The following VPS8 variants were observed in gnomAD, a reference collection of about 807,000 sequenced individuals.
VPS8 encodes the protein vacuolar protein sorting-associated protein 8 homolog.
VPS8 carries 129 observed loss-of-function variants against 216.4 expected under a neutral mutation model. That is an observed-to-expected ratio of 0.60 (90% CI 0.52 to 0.69). The LOEUF is 0.69. Among genes scored for constraint, VPS8 ranks in the 30% least tolerant of loss-of-function variants. The pLI is 0.00. For missense variants in VPS8, 1,531 were observed against 1,683.5 expected, an observed-to-expected ratio of 0.91 and a Z score of 1.59; for synonymous variants, 571 against 565.4, an observed-to-expected ratio of 1.01 and a Z score of -0.14.
chr3:184,856,549 A>G (rs533297773), intron 14 of VPS8, among the ~76,000 whole-genome samples: 1 of 152,346 alleles, frequency 6.6e-6, no homozygotes, highest in Non-Finnish European at 1.5e-5. Context: ...CTCCAGCCAG[A>G]AACTTACGAG....
chr3:184,889,112 T>A (rs1170550885), intron 22 of VPS8, among the ~76,000 whole-genome samples: 1 of 152,212 alleles, frequency 6.6e-6, no homozygotes, highest in Non-Finnish European at 1.5e-5. Context: ...ATTTCACCTA[T>A]TGACTGTCTG....
intron 45 of VPS8, among the ~76,000 whole-genome samples, chr3:185,001,697 G>A (rs1473654100): frequency 6.6e-6 from 1 of 152,126 alleles, no homozygotes; most frequent in African/African-American, 2.4e-5. Flanking sequence ...GTTGGGAGAT[G>A]GGGCTGAAAG....
intron 9 of VPS8, 40 bp from the exon 10 acceptor site, chr3:184,849,896 A>T: frequency 6.7e-7 from 1 of 1,502,976 alleles, no homozygotes. Flanking sequence ...CCAAAAAAAG[A>T]GCAATAAATT....
intron 37 of VPS8, among the ~76,000 whole-genome samples, chr3:184,959,005 A>G (rs1280013421): frequency 6.6e-6 from 1 of 152,208 alleles, no homozygotes; most frequent in East Asian, 1.9e-4. Context: ...TGAAACTTAC[A>G]AGAAATCTCA....
At chr3:184,863,118 G>T in intron 16 of VPS8, 51 bp downstream of exon 16, 1 of 1,588,926 alleles carries the variant, frequency 6.3e-7, no homozygotes, top group South Asian at 1.1e-5. Context: ...TGATAAACTT[G>T]GTATTTTGTT....
chr3:184,887,555 A>G (rs1046205385), intron 22 of VPS8, among the ~76,000 whole-genome samples: 17 of 152,228 alleles, frequency 1.1e-4, no homozygotes, highest in African/African-American at 4.1e-4. Context: ...TGCCAAAGCC[A>G]GAAAGTGATT....
In VPS8 at chr3:185,041,350, A is replaced by C. The variant is rs373721790; in HGVS notation, c.4057-7129A>C. ...CTTGTTAATATGACACTTCAGCTTG[A>C]GTAGTTGTCTGTTCCCACTCAGATT... On this transcript the variant is annotated intron_variant, in intron 46 of 47. Coordinates refer to ENST00000625842, the MANE Select transcript of VPS8 (RefSeq NM_001009921.3). 1.3e-4 allele frequency among the ~76,000 whole-genome samples: 19 copies of C among 151,916 alleles called. No homozygotes were observed. In the Middle Eastern group the frequency reaches 0.01, roughly 82 times the overall value.
At chr3:184,830,684 T>G (rs1719803038) in intron 3 of VPS8, among the ~76,000 whole-genome samples, 2 of 152,230 alleles carry the variant, frequency 1.3e-5, no homozygotes. Flanking sequence ...CCCAGGCTTT[T>G]TAAGAAAATC....
intron 22 of VPS8, among the ~76,000 whole-genome samples, chr3:184,886,518 CATACACATATACACACACACATATGT>C (rs1731282022): frequency 6.9e-6 from 1 of 144,546 alleles, no homozygotes; most frequent in Non-Finnish European, 1.5e-5. Context: ...TACACACACA[CATACACATATACACACACACATATGT>C]ATACACACAC....
In VPS8 at chr3:184,924,832, A is replaced by G. The variant is rs754779014; in HGVS notation, c.2455-30A>G. 1.1e-5 allele frequency: 18 copies of G among 1,574,742 alleles called. No homozygotes were observed. The South Asian group carries it at 1.9e-4, about 16-fold the overall frequency. On this transcript the variant is annotated intron_variant, in intron 29 of 47. Transcript: ENST00000625842. ...TTTTTTGCATCAAACCAAATGGTGTATTGAATAAATGGTCTCCTTTGCTCT... is the reference window on the plus strand; with the variant it reads ...TTTTTTGCATCAAACCAAATGGTGTGTTGAATAAATGGTCTCCTTTGCTCT...
At chr3:184,948,950 G>A (rs577356615) in intron 36 of VPS8, among the ~76,000 whole-genome samples, 7 of 152,082 alleles carry the variant, frequency 4.6e-5, no homozygotes, top group African/African-American at 9.6e-5. Flanking sequence ...TCCTTCCTAC[G>A]TAGGAGAACA....
chr3:184,863,884 G>A (rs1403549658), intron 16 of VPS8, among the ~76,000 whole-genome samples: 2 of 152,112 alleles, frequency 1.3e-5, no homozygotes, highest in Non-Finnish European at 2.9e-5. Flanking sequence ...TAACTTCAGA[G>A]CATAAAATAT....
At chr3:185,043,685 T>C (rs1712203772) in intron 46 of VPS8, among the ~76,000 whole-genome samples, 1 of 152,238 alleles carries the variant, frequency 6.6e-6, no homozygotes, top group African/African-American at 2.4e-5. Flanking sequence ...CTAGTAGCTA[T>C]ATTTATTTCC....
intron 37 of VPS8, among the ~76,000 whole-genome samples, chr3:184,963,413 C>T (rs568691582): frequency 6.6e-6 from 1 of 152,146 alleles, no homozygotes; most frequent in East Asian, 1.9e-4. Context: ...TTCATAGTTA[C>T]TTTATAGTTT....
intron 29 of VPS8, 134 bp from the exon 30 acceptor site, chr3:184,924,728 A>G (rs1560702970): frequency 8.6e-6 from 10 of 1,166,542 alleles, no homozygotes; most frequent in South Asian, 3.4e-5. Flanking sequence ...GTTGAATTCA[A>G]TTGTTGCACA....
intron 45 of VPS8, among the ~76,000 whole-genome samples, chr3:185,019,793 T>G (rs1756391256): frequency 6.6e-6 from 1 of 152,240 alleles, no homozygotes; most frequent in Non-Finnish European, 1.5e-5. Context: ...CAGATTTGGG[T>G]ACCTGTTCCC....
chr3:184,999,675 T>C (rs1001385476), intron 44 of VPS8, 21 bp from the exon 45 acceptor site: 3 of 1,591,458 alleles, frequency 1.9e-6, no homozygotes, highest in Non-Finnish European at 2.6e-6. Flanking sequence ...AAAGTACAAA[T>C]TGGTTGCCTT....
intron 35 of VPS8, 101 bp from the exon 36 acceptor site, chr3:184,940,096 A>G: frequency 2.2e-6 from 1 of 450,450 alleles, no homozygotes; most frequent in Non-Finnish European, 3.8e-6. Context: ...ATACTCAGAT[A>G]TCTGTGCATA....
chr3:184,996,293 A>G, intron 43 of VPS8, 39 bp from the exon 44 acceptor site: 1 of 1,560,734 alleles, frequency 6.4e-7, no homozygotes, highest in South Asian at 1.2e-5. Flanking sequence ...TCATCTTATA[A>G]CCTTTTGTTT....
Sources: allele counts gnomAD v4.1 joint callset (sites outside exome capture counted in the v4.1 genomes callset), GRCh38; gene constraint gnomAD v4.1.1; transcripts MANE v1.5; gene names NCBI Gene and HGNC (gene_info 2026-07-23, HGNC 2026-07-21).